The following XPC variants were observed in gnomAD, a reference collection of about 807,000 sequenced individuals.
The protein encoded by XPC is DNA repair protein complementing XP-C cells.
Under a neutral mutation model 95.8 loss-of-function variants are expected in XPC, and 76 were observed. That is an observed-to-expected ratio of 0.79 (90% CI 0.66 to 0.96). XPC has a LOEUF of 0.96. XPC is among the 40% of genes least tolerant of loss of function. XPC has a pLI of 0.00. For synonymous variants in XPC, 442 were observed against 442.1 expected, an observed-to-expected ratio of 1.00 and a Z score of 0.00; for missense variants, 1,146 against 1,179.8, an observed-to-expected ratio of 0.97 and a Z score of 0.42.
Position 14,173,068 on chromosome 3 carries a change from T to C in XPC, c.104-6A>G, listed in dbSNP as rs777645783. ...TTTCTCATCTTCAAAGGCATCTAGG[T>C]GACAACACAGAACATAAGGTGAGGG... On this transcript the variant is annotated splice_region_variant and splice_polypyrimidine_tract_variant and intron_variant, in intron 1 of 15. Transcript: ENST00000285021. The C allele has an allele frequency of 1.6e-5, 25 of 1,561,878 alleles. No individual in the cohort carries two copies. In the Admixed American group the frequency reaches 2.3e-4, roughly 15 times the overall value.
intron 9 of XPC, among the ~76,000 whole-genome samples, chr3:14,157,787 C>A (rs1402436113): frequency 6.6e-6 from 1 of 152,190 alleles, no homozygotes; most frequent in Admixed American, 6.5e-5. Flanking sequence ...CAAAGCCACA[C>A]AGACCTGGGC....
chr3:14,167,868 G>A (rs1033830241), intron 4 of XPC, among the ~76,000 whole-genome samples: 1 of 152,226 alleles, frequency 6.6e-6, no homozygotes, highest in Non-Finnish European at 1.5e-5. Flanking sequence ...GCATGACATG[G>A]TGAGGAAAAT....
At chr3:14,148,209 A>C (rs974626866) in intron 13 of XPC, 10 of 587,718 alleles carry the variant, frequency 1.7e-5, no homozygotes, top group African/African-American at 7.5e-5. Context: ...TCTGCCGAAG[A>C]AAGCTGGGGT....
In XPC at chr3:14,145,404, C is replaced by T. The variant is rs1695374341; in HGVS notation, c.*537G>A. The T allele has an allele frequency of 1.4e-6, 1 of 699,004 alleles. No homozygotes were observed. The highest frequency in any genetic ancestry group is 2.0e-5 in the Admixed American group (1 of 49,924). 43.3% of individuals were successfully genotyped at this position (699,004 alleles called of 1,614,324 possible). A position where few individuals can be genotyped will look rare whatever the true frequency, so the allele number is the denominator to read the frequency against. On this transcript the variant is annotated 3_prime_UTR_variant, in exon 16 of 16. Transcript: ENST00000285021. ...TGACCTGTACTTCTCTGCTCTCTCC[C>T]CTACTGCAAAGAGGCAGTGAGGGCA... is the stretch of plus-strand genomic sequence containing the variant.
chr3:14,176,995 G>A (rs1696845107), intron 1 of XPC, among the ~76,000 whole-genome samples: 1 of 152,162 alleles, frequency 6.6e-6, no homozygotes, highest in Admixed American at 6.5e-5. Context: ...AGCTACTCGG[G>A]AGGCTGAGGC....
At position 14,145,990 on chromosome 3, in the gene XPC, CTTTTGGTCT is replaced by C. The variant is rs1553604206; in HGVS notation, c.2765_2773del (p.Lys922_Lys924del). ...GTGGGAAGCTGCTGCTTTCTTTTCC[CTTTTGGTCT>C]TCTTGGGCCCACCCTTCAGCTTCTG... is the stretch of plus-strand genomic sequence containing the variant. On this transcript the variant is annotated inframe_deletion, in exon 16 of 16. Transcript: ENST00000285021. 2 of 1,610,020 alleles carry C rather than the reference CTTTTGGTCT, an allele frequency of 1.2e-6. No homozygotes were observed. The highest frequency in any genetic ancestry group is 1.7e-6 in the Non-Finnish European group (2 of 1,177,228).
chr3:14,168,507 G>A, intron 3 of XPC, 127 bp from the exon 4 acceptor site: 1 of 1,156,140 alleles, frequency 8.6e-7, no homozygotes, highest in Non-Finnish European at 1.2e-6. Context: ...ACAGCCCACA[G>A]AGACCCCTAG....
chr3:14,171,542 T>C (rs1696612926), intron 2 of XPC, among the ~76,000 whole-genome samples: 1 of 152,186 alleles, frequency 6.6e-6, no homozygotes, highest in Admixed American at 6.5e-5. Context: ...TCAGAGGTAT[T>C]CTTCAGAAAA....
intron 10 of XPC, among the ~76,000 whole-genome samples, chr3:14,154,680 T>C (rs1420684046): frequency 6.6e-6 from 1 of 151,868 alleles, no homozygotes; most frequent in Non-Finnish European, 1.5e-5. Context: ...GAGTTTTGGT[T>C]TGGGAAGAGG....
At chr3:14,163,629 T>A (rs1237270494) in intron 7 of XPC, among the ~76,000 whole-genome samples, 1 of 152,176 alleles carries the variant, frequency 6.6e-6, no homozygotes, top group Non-Finnish European at 1.5e-5. Flanking sequence ...AATGCGTATA[T>A]ACAGGGTTTC....
chr3:14,159,689 T>C, intron 8 of XPC, 52 bp downstream of exon 8: 1 of 1,490,286 alleles, frequency 6.7e-7, no homozygotes, highest in Non-Finnish European at 9.1e-7. Flanking sequence ...TTTTTAAGTG[T>C]GACAATTTCC....
intron 1 of XPC, among the ~76,000 whole-genome samples, chr3:14,174,234 A>T (rs1342909688): frequency 6.6e-6 from 1 of 152,166 alleles, no homozygotes; most frequent in Non-Finnish European, 1.5e-5. Context: ...ATAAGGAAAA[A>T]TTTTGAAGTA....
chr3:14,160,451 C>G (rs1696124582), intron 7 of XPC, among the ~76,000 whole-genome samples: 1 of 152,220 alleles, frequency 6.6e-6, no homozygotes. Flanking sequence ...CGGCCAAGGC[C>G]TTCCTACACG....
intron 15 of XPC, among the ~76,000 whole-genome samples, chr3:14,146,456 T>C (rs1695441302): frequency 6.6e-6 from 1 of 152,140 alleles, no homozygotes; most frequent in Non-Finnish European, 1.5e-5. Flanking sequence ...TGGGGATGCC[T>C]GTGATTCGTG....
chr3:14,156,193 ACACACAGCACACG>A, intron 10 of XPC, 129 bp downstream of exon 10: 1 of 1,049,638 alleles, frequency 9.5e-7, no homozygotes, highest in Non-Finnish European at 1.4e-6. Flanking sequence ...CACATCACAC[ACACACAGCACACG>A]CACACTGGCT....
At chr3:14,165,742 G>T in intron 5 of XPC, 157 bp from the exon 6 acceptor site, 2 of 805,392 alleles carry the variant, frequency 2.5e-6, no homozygotes, top group Non-Finnish European at 3.9e-6. Context: ...CACTTCCCAA[G>T]CTTGTCTTTG....
At chr3:14,159,014 C>A in intron 8 of XPC, 122 bp from the exon 9 acceptor site, 1 of 1,278,654 alleles carries the variant, frequency 7.8e-7, no homozygotes, top group Admixed American at 2.0e-5. Flanking sequence ...TCAAGATGTC[C>A]CCAGCTCAGA....
chr3:14,157,355 A>C (rs1243147283), intron 9 of XPC, among the ~76,000 whole-genome samples: 2 of 152,178 alleles, frequency 1.3e-5, no homozygotes, highest in African/African-American at 4.8e-5. Flanking sequence ...AACCTGCGAC[A>C]AATCTGGGCA....
At chr3:14,149,157 C>T (rs937197735) in intron 11 of XPC, among the ~76,000 whole-genome samples, 1 of 151,898 alleles carries the variant, frequency 6.6e-6, no homozygotes, top group Non-Finnish European at 1.5e-5. Context: ...AATCTTGGCT[C>T]GCTGCAACCT....
Sources: gnomAD v4.1 joint callset for allele counts (sites outside exome capture counted in the v4.1 genomes callset) on GRCh38, gnomAD v4.1.1 for gene constraint, MANE v1.5 for transcripts, NCBI Gene and HGNC (gene_info 2026-07-23, HGNC 2026-07-21) for gene names.